The following KMT2A variants were observed in gnomAD, a reference collection of about 807,000 sequenced individuals.
KMT2A encodes the protein lysine methyltransferase 2A, also known as histone-lysine N-methyltransferase 2A.
In KMT2A, 16 loss-of-function variants were observed where a neutral mutation model predicts 345.3. That is an observed-to-expected ratio of 0.05 (90% confidence interval 0.03 to 0.07). The LOEUF (loss-of-function observed/expected upper bound fraction) is 0.07. KMT2A is among the 10% of genes least tolerant of loss of function. The probability of loss-of-function intolerance (pLI) is 1.00; values close to 1 mark genes in which losing one functional copy is unlikely to be tolerated. For missense variants in KMT2A, 3,272 were observed against 4,841.6 expected (o/e 0.68, Z 9.62); for synonymous variants, 1,599 against 1,778.6 (o/e 0.90, Z 2.54).
At position 118,526,737 on chromosome 11, in the gene KMT2A, T is replaced by TA. The variant is rs547753576; in HGVS notation, c.*4573dup. ...TAAAAGTAAAAAGTGTACATAGTTG[T>TA]AAAAAAAAGGAGTTTTTAAACATGT... On this transcript the variant is annotated 3_prime_UTR_variant, in exon 36 of 36. Transcript: ENST00000534358. 849 of 229,712 alleles carry TA rather than the reference T, an allele frequency of 3.7e-3. 7 individuals are homozygous for TA. Among genetic ancestry groups the TA allele is most frequent in the East Asian group, 0.016 (259 of 15,896 alleles). 14.2% of individuals were successfully genotyped at this position (229,712 alleles called of 1,614,324 possible).
Position 118,496,419 on chromosome 11 carries a change from G to A in KMT2A, c.5664+52G>A, listed in dbSNP as rs539469982. On this transcript the variant is annotated intron_variant, in intron 20 of 35. Transcript: ENST00000534358. This position sits in a 1 kb window ranked among gnomAD's most constrained non-coding sequence, Gnocchi z 4.7. ...AGTTAATACATACTCCAAAAGAACTGTTTGTCCTTGTGTCCATACTTGATG... is the reference window on the plus strand; with the variant it reads ...AGTTAATACATACTCCAAAAGAACTATTTGTCCTTGTGTCCATACTTGATG... 3.2e-6 allele frequency: 4 copies of A among 1,254,168 alleles called. No individual in the cohort carries two copies. The highest frequency in any genetic ancestry group is 4.7e-6 in the Non-Finnish European group (4 of 853,854). 77.7% of individuals were successfully genotyped at this position (1,254,168 alleles called of 1,614,324 possible). A position where few individuals can be genotyped will look rare whatever the true frequency, so the allele number is the denominator to read the frequency against.
At chr11:118,463,784 A>G (rs1404710688) in intron 1 of KMT2A, among the ~76,000 whole-genome samples, 3 of 152,218 alleles carry the variant, frequency 2.0e-5, no homozygotes, top group African/African-American at 7.2e-5. Flanking sequence ...AAAAATACAT[A>G]TTATGAAAAA....
chr11:118,480,445 T>A (rs1555038921), intron 6 of KMT2A, among the ~76,000 whole-genome samples: 1 of 152,054 alleles, frequency 6.6e-6, no homozygotes, highest in East Asian at 1.9e-4. Context: ...CATAATAAAT[T>A]TTTTAAATTT....
intron 3 of KMT2A, among the ~76,000 whole-genome samples, chr11:118,475,865 C>T (rs1204639500): frequency 2.6e-5 from 4 of 152,178 alleles, no homozygotes; most frequent in South Asian, 2.1e-4. Flanking sequence ...ATAGGAGCAG[C>T]GGCTCTTTAA....
rs1555035736 is a variant in KMT2A at position 118,472,137 on chromosome 11, G to A, written c.978G>A (p.Lys326=). 8.7e-6 allele frequency: 14 copies of A among 1,613,826 alleles called. No homozygotes were observed. The highest frequency in any genetic ancestry group is 1.2e-5 in the Non-Finnish European group (14 of 1,180,032). The part of the protein sequence containing the change: ...SGLLINSELE[K]PQKVRKDKEG... ...TCCTCATTAATTCTGAACTGGAAAA[G>A]CCCCAGAAAGTCCGGAAAGACAAGG... The change falls in exon 3 of 36, where the codon AAG becomes AAA. Residue 326 remains lysine (K), a synonymous_variant. Coordinates refer to ENST00000534358, the MANE Select transcript of KMT2A (RefSeq NM_001197104.2).
chr11:118,451,416 C>A (rs1488694561), intron 1 of KMT2A, among the ~76,000 whole-genome samples: 1 of 151,732 alleles, frequency 6.6e-6, no homozygotes, highest in Non-Finnish European at 1.5e-5. Flanking sequence ...GAGACAGAGT[C>A]TTGCCCTGTC....
Position 118,474,273 on chromosome 11 carries a change from G to A in KMT2A, c.3114G>A (p.Glu1038=), listed in dbSNP as rs782189523. The A allele has an allele frequency of 8.7e-6, 14 of 1,614,010 alleles. No homozygotes were observed. Among genetic ancestry groups the A allele is most frequent in the Middle Eastern group, 1.6e-4 (1 of 6,084 alleles). Residue 1038 remains glutamate, a synonymous_variant, in exon 3 of 36, where the codon GAG becomes GAA. Transcript: ENST00000534358. ...CCAAAGCTCAGCTCTGCAAGATTGAGAAGAGTAAGAGTCTTAAACAAACCG... is the reference window on the plus strand; with the variant it reads ...CCAAAGCTCAGCTCTGCAAGATTGAAAAGAGTAAGAGTCTTAAACAAACCG... ...KKAKAQLCKI[E]KSKSLKQTDQ...
intron 1 of KMT2A, among the ~76,000 whole-genome samples, chr11:118,454,450 G>A (rs1949601861): frequency 6.6e-6 from 1 of 152,144 alleles, no homozygotes; most frequent in African/African-American, 2.4e-5. Flanking sequence ...GTCTTTATAT[G>A]TCTGACTTTT....
At chr11:118,458,998 A>G (rs1472558346) in intron 1 of KMT2A, among the ~76,000 whole-genome samples, 4 of 152,202 alleles carry the variant, frequency 2.6e-5, no homozygotes, top group East Asian at 3.8e-4. Context: ...GATACTGTCT[A>G]TGGTATTGAT....
rs782456089 is a variant in KMT2A, at chr11:118,476,765, A to G, written c.3157-40A>G. ...GGCTTCGTTCAGTTATAATTTCAAC[A>G]TGTATGGTTGTTATTGTTTTTGGAT... On this transcript the variant is annotated intron_variant, in intron 3 of 35. Coordinates refer to ENST00000534358, the MANE Select transcript of KMT2A (RefSeq NM_001197104.2). This position sits in a 1 kb window ranked among gnomAD's most constrained non-coding sequence, Gnocchi z 4.1. The G allele has an allele frequency of 3.2e-6, 5 of 1,547,646 alleles. No individual in the cohort carries two copies. In the South Asian group the frequency reaches 3.5e-5, roughly 11 times the overall value.
At chr11:118,440,224 G>C (rs1555139765) in intron 1 of KMT2A, among the ~76,000 whole-genome samples, 1 of 152,144 alleles carries the variant, frequency 6.6e-6, no homozygotes. Context: ...TTTGCTGTTT[G>C]AACTCCCTTA....
chr11:118,507,731 G>A (rs965146049), intron 28 of KMT2A, 122 bp downstream of exon 28: 84 of 708,390 alleles, frequency 1.2e-4, no homozygotes, highest in Admixed American at 1.1e-4. Context: ...CTGGGAGGCC[G>A]AGGCAGGTGG....
At chr11:118,443,171 G>A (rs1437482336) in intron 1 of KMT2A, among the ~76,000 whole-genome samples, 4 of 152,262 alleles carry the variant, frequency 2.6e-5, no homozygotes, top group South Asian at 2.1e-4. Context: ...TGGCCCTGTG[G>A]CTGAGGTAGA....
chr11:118,485,302 G>A (rs1950209399), intron 10 of KMT2A, among the ~76,000 whole-genome samples: 1 of 151,898 alleles, frequency 6.6e-6, no homozygotes, highest in African/African-American at 2.4e-5. Flanking sequence ...ATTTTATATT[G>A]TATATCAAAG....
At position 118,523,326 on chromosome 11, in the gene KMT2A, T is replaced by C. The variant is rs1375400357; in HGVS notation, c.*1154T>C. On this transcript the variant is annotated 3_prime_UTR_variant, in exon 36 of 36. Coordinates refer to ENST00000534358, the MANE Select transcript of KMT2A (RefSeq NM_001197104.2). Reference sequence around the variant, plus strand: ...TTGAAGGCAGAACACTAATCAGATTTCAAGGCCCACAACTTGGGGACTAGA... The same window carrying C: ...TTGAAGGCAGAACACTAATCAGATTCCAAGGCCCACAACTTGGGGACTAGA... 4.4e-6 allele frequency: 1 copy of C among 229,238 alleles called. No individual in the cohort carries two copies. Among genetic ancestry groups the C allele is most frequent in the Non-Finnish European group, 8.7e-6 (1 of 115,512 alleles). The allele number at this position is 229,238 out of a possible 1,614,324, so 14.2% of individuals were successfully genotyped here. A position where few individuals can be genotyped will look rare whatever the true frequency, so the allele number is the denominator to read the frequency against.
rs1950430655 is a variant in KMT2A, at chr11:118,497,633, A to C, written c.5665-303A>C. Among the ~76,000 whole-genome samples, 1 of 152,168 alleles carries C rather than the reference A, an allele frequency of 6.6e-6. No homozygotes were observed. Among genetic ancestry groups the C allele is most frequent in the Non-Finnish European group, 1.5e-5 (1 of 68,014 alleles). ...GGCTGGTCTCAAACTCTTGGGCTCA[A>C]GCGATCCTACCACTTCAGCCTCCAA... On this transcript the variant is annotated intron_variant, in intron 20 of 35. Coordinates refer to ENST00000534358, the MANE Select transcript of KMT2A (RefSeq NM_001197104.2). The surrounding 1 kb of genome is among the most constrained non-coding windows in gnomAD (Gnocchi z 4.8).
intron 15 of KMT2A, 69 bp from the exon 16 acceptor site, chr11:118,492,988 T>G: frequency 1.6e-6 from 2 of 1,228,548 alleles, no homozygotes; most frequent in Non-Finnish European, 2.3e-6. Context: ...TTTATTAATT[T>G]TAATAGAATT....
chr11:118,439,256 C>T (rs990067217), intron 1 of KMT2A: 2 of 357,230 alleles, frequency 5.6e-6, no homozygotes, highest in South Asian at 4.4e-5. Context: ...GCATTTTAGC[C>T]CCATGTATAT....
At position 118,495,626 on chromosome 11, in the gene KMT2A, C is replaced by A; in HGVS notation, c.5364-74C>A. 1.7e-6 allele frequency: 2 copies of A among 1,202,832 alleles called. No individual in the cohort carries two copies. The highest frequency in any genetic ancestry group is 2.3e-6 in the Non-Finnish European group (2 of 873,954). The allele number at this position is 1,202,832 out of a possible 1,614,324, so 74.5% of individuals were successfully genotyped here. A position where few individuals can be genotyped will look rare whatever the true frequency, so the allele number is the denominator to read the frequency against. ...TCCTACATGGGGCAACAGGTGATAT[C>A]AAGAATTTATTTTATACAGTTCTAG... is the stretch of plus-strand genomic sequence containing the variant. On this transcript the variant is annotated intron_variant, in intron 18 of 35. Coordinates refer to ENST00000534358, the MANE Select transcript of KMT2A (RefSeq NM_001197104.2). This position sits in a 1 kb window ranked among gnomAD's most constrained non-coding sequence, Gnocchi z 4.1.
Sources: gnomAD v4.1 joint callset for allele counts (sites outside exome capture counted in the v4.1 genomes callset) on GRCh38, gnomAD v4.1.1 for gene constraint, Gnocchi (gnomAD v3.1) non-coding constraint, MANE v1.5 for transcripts, NCBI Gene and HGNC (gene_info 2026-07-23, HGNC 2026-07-21) for gene names.